The following GUCA1C variants were observed in gnomAD, a reference collection of about 807,000 sequenced individuals.
GUCA1C encodes the protein guanylyl cyclase-activating protein 3.
In GUCA1C, 15 loss-of-function variants were observed where a neutral mutation model predicts 16.2. That is an observed-to-expected ratio of 0.93 (90% CI 0.62 to 1.43). The LOEUF (loss-of-function observed/expected upper bound fraction) is 1.43. GUCA1C is among the 40% of genes most tolerant of loss of function. The pLI is 0.00. For missense variants in GUCA1C, 275 were observed against 244.8 expected (o/e 1.12, Z -0.82); for synonymous variants, 78 against 85.4 (o/e 0.91, Z 0.48).
intron 1 of GUCA1C, among the ~76,000 whole-genome samples, chr3:108,925,539 T>C (rs549018288): frequency 6.6e-6 from 1 of 152,350 alleles, no homozygotes; most frequent in South Asian, 2.1e-4. Flanking sequence ...TTTTGTGGCC[T>C]ACCATATGGT....
At chr3:108,922,220 T>G (rs574599533) in intron 1 of GUCA1C, among the ~76,000 whole-genome samples, 102 of 151,780 alleles carry the variant, frequency 6.7e-4, no homozygotes, top group African/African-American at 2.3e-3. Context: ...TATGGATAAT[T>G]TTCTTTATCC....
intron 3 of GUCA1C, among the ~76,000 whole-genome samples, chr3:108,908,898 A>T (rs1946419267): frequency 6.6e-6 from 1 of 152,182 alleles, no homozygotes; most frequent in Non-Finnish European, 1.5e-5. Flanking sequence ...TGTTGATATA[A>T]ATCATTTGGG....
At chr3:108,945,021 C>A (rs1946829929) in intron 1 of GUCA1C, among the ~76,000 whole-genome samples, 1 of 152,224 alleles carries the variant, frequency 6.6e-6, no homozygotes, top group Admixed American at 6.5e-5. Flanking sequence ...CATCCTCAGC[C>A]TCTGCATGGA....
At chr3:108,941,357 C>T (rs905113010) in intron 1 of GUCA1C, among the ~76,000 whole-genome samples, 2 of 152,190 alleles carry the variant, frequency 1.3e-5, no homozygotes, top group Non-Finnish European at 2.9e-5. Flanking sequence ...TTTACATGAA[C>T]CTAATGCTGA....
intron 1 of GUCA1C, among the ~76,000 whole-genome samples, chr3:108,943,013 C>G (rs1473042417): frequency 6.6e-6 from 1 of 152,170 alleles, no homozygotes; most frequent in East Asian, 1.9e-4. Context: ...GAAAATGAAG[C>G]AGGAATCAAG....
chr3:108,933,533 T>C (rs893682732), intron 1 of GUCA1C, among the ~76,000 whole-genome samples: 1 of 152,124 alleles, frequency 6.6e-6, no homozygotes, highest in Non-Finnish European at 1.5e-5. Flanking sequence ...AAAAACTATA[T>C]GGAGACTTCA....
At chr3:108,939,818 A>G (rs1946768085) in intron 1 of GUCA1C, among the ~76,000 whole-genome samples, 1 of 152,158 alleles carries the variant, frequency 6.6e-6, no homozygotes, top group Non-Finnish European at 1.5e-5. Context: ...GTGGCTACAC[A>G]TTAGAATCAT....
At chr3:108,935,802 G>A (rs996296467) in intron 1 of GUCA1C, among the ~76,000 whole-genome samples, 6 of 152,034 alleles carry the variant, frequency 3.9e-5, no homozygotes, top group Admixed American at 6.6e-5. Flanking sequence ...TTTAGAAGTC[G>A]AAATAAGGAA....
intron 1 of GUCA1C, among the ~76,000 whole-genome samples, chr3:108,942,663 T>C (rs1421930414): frequency 6.6e-6 from 1 of 152,210 alleles, no homozygotes; most frequent in Non-Finnish European, 1.5e-5. Flanking sequence ...CTTAACACCA[T>C]GGGTCCATTT....
intron 1 of GUCA1C, among the ~76,000 whole-genome samples, chr3:108,932,621 A>G (rs1442694779): frequency 1.3e-5 from 2 of 152,142 alleles, no homozygotes; most frequent in Admixed American, 6.5e-5. Context: ...GATATATGCT[A>G]TAACAATAAA....
At chr3:108,939,323 GCTT>G (rs1576554436) in intron 1 of GUCA1C, among the ~76,000 whole-genome samples, 1 of 33,226 alleles carries the variant, frequency 3.0e-5, no homozygotes, top group East Asian at 3.0e-4. Context: ...TTGCTTCAAG[GCTT>G]TTTTTTTTTT....
intron 1 of GUCA1C, among the ~76,000 whole-genome samples, chr3:108,942,389 A>G (rs1946795862): frequency 6.6e-6 from 1 of 152,140 alleles, no homozygotes; most frequent in African/African-American, 2.4e-5. Context: ...CAGCAAATGA[A>G]CCTTGGATCA....
chr3:108,922,160 A>ACAC (rs1946575367), intron 1 of GUCA1C, among the ~76,000 whole-genome samples: 2 of 52,076 alleles, frequency 3.8e-5, no homozygotes, highest in African/African-American at 7.2e-5. Flanking sequence ...CACATACACA[A>ACAC]ACACACACAC....
At chr3:108,915,008 T>C (rs9867549) in intron 3 of GUCA1C, among the ~76,000 whole-genome samples, 4 of 152,128 alleles carry the variant, frequency 2.6e-5, no homozygotes, top group African/African-American at 9.7e-5. Flanking sequence ...ACCGAGGTGC[T>C]TAAGAGAAGA....
chr3:108,917,842 A>G (rs1316494050), intron 2 of GUCA1C, among the ~76,000 whole-genome samples: 2 of 152,018 alleles, frequency 1.3e-5, no homozygotes, highest in Non-Finnish European at 2.9e-5. Flanking sequence ...TCAGGAGTTC[A>G]TAGACCAGCC....
At chr3:108,930,177 G>A (rs550277004) in intron 1 of GUCA1C, among the ~76,000 whole-genome samples, 139 of 152,280 alleles carry the variant, frequency 9.1e-4, no homozygotes, top group South Asian at 2.9e-3. Context: ...TGATGCTAAC[G>A]GTGGCATATC....
At chr3:108,915,476 C>G (rs1175866366) in intron 3 of GUCA1C, among the ~76,000 whole-genome samples, 1 of 152,180 alleles carries the variant, frequency 6.6e-6, no homozygotes, top group Non-Finnish European at 1.5e-5. Context: ...GCACTCATTT[C>G]TCTTGGGCTG....
chr3:108,921,545 A>T (rs893659538), intron 1 of GUCA1C, among the ~76,000 whole-genome samples: 4 of 152,160 alleles, frequency 2.6e-5, no homozygotes, highest in African/African-American at 2.4e-5. Flanking sequence ...ACCATTTTAC[A>T]TTTCTACCAG....
intron 1 of GUCA1C, among the ~76,000 whole-genome samples, chr3:108,934,808 C>CTTTTTTTTTTTTTTTTTTTTTTTTTTT (rs71629371): frequency 1.2e-5 from 1 of 86,110 alleles, no homozygotes; most frequent in African/African-American, 4.8e-5. Context: ...TGTTCTTGAT[C>CTTTTTTTTTTTTTTTTTTTTTTTTTTT]TTTTTTTTTT....
Sources: allele counts gnomAD v4.1 joint callset (sites outside exome capture counted in the v4.1 genomes callset), GRCh38; gene constraint gnomAD v4.1.1; transcripts MANE v1.5; gene names NCBI Gene and HGNC (gene_info 2026-07-23, HGNC 2026-07-21).